The following SRGAP3 variants were observed in gnomAD, a reference collection of about 807,000 sequenced individuals.
The protein encoded by SRGAP3 is SLIT-ROBO Rho GTPase activating protein 3.
A neutral mutation model predicts 121.1 loss-of-function variants in SRGAP3; 39 were observed. The observed-to-expected ratio is 0.32, with a 90% confidence interval of 0.25 to 0.42. SRGAP3 has a LOEUF of 0.42. Among genes scored for constraint, SRGAP3 ranks in the 10% least tolerant of loss-of-function variants. The probability of loss-of-function intolerance (pLI) is 1.00; values close to 1 mark genes in which losing one functional copy is unlikely to be tolerated. For synonymous variants in SRGAP3, 601 were observed against 570.0 expected, an observed-to-expected ratio of 1.05 and a Z score of -0.77; for missense variants, 1,213 against 1,470.6, an observed-to-expected ratio of 0.82 and a Z score of 2.86.
intron 1 of SRGAP3, among the ~76,000 whole-genome samples, chr3:9,197,128 G>T (rs943912026): frequency 2.6e-5 from 4 of 152,202 alleles, no homozygotes; most frequent in African/African-American, 9.6e-5. Flanking sequence ...GATTCGTATA[G>T]ATGACAGGGT....
At chr3:9,028,257 A>T in intron 12 of SRGAP3, 1 of 1,318,636 alleles carries the variant, frequency 7.6e-7, no homozygotes, top group Non-Finnish European at 1.1e-6. Flanking sequence ...CAGCCAGCCA[A>T]GGTCCTGGGG....
At chr3:9,167,527 C>T (rs1950832025) in intron 1 of SRGAP3, among the ~76,000 whole-genome samples, 1 of 152,212 alleles carries the variant, frequency 6.6e-6, no homozygotes, top group Non-Finnish European at 1.5e-5. Flanking sequence ...GACCTTGCTC[C>T]TAAATTCTGG....
chr3:8,985,668 G>A lies in SRGAP3; in HGVS notation c.3151C>T (p.Gln1051Ter). 1 of 1,596,764 alleles carries A rather than the reference G, an allele frequency of 6.3e-7. No homozygotes were observed. The highest frequency in any genetic ancestry group is 8.5e-7 in the Non-Finnish European group (1 of 1,178,662). Residue 1051 changes from glutamine (Q) to a stop codon, truncating the protein, a stop_gained, in exon 22 of 22, where the codon CAG becomes TAG. Coordinates refer to ENST00000383836, the MANE Select transcript of SRGAP3 (RefSeq NM_014850.4). LOFTEE classifies it high-confidence loss of function. The surrounding 1 kb of genome is among the most constrained non-coding windows in gnomAD (Gnocchi z 5.1). ...GGCCGCATGGGGGGCGGGCGGAGCT[G>A]GGCGCCAGCCAGGCGGGCGGACAGG... The part of the protein sequence containing the change: ...PALSARLAGA[Q>*]LRPPPMRPVR...
intron 3 of SRGAP3, chr3:9,325,884 G>C (rs1955509483): frequency 6.6e-6 from 1 of 151,846 alleles, no homozygotes. Flanking sequence ...GGCATAAACA[G>C]AGAAAAAATA....
intron 3 of SRGAP3, among the ~76,000 whole-genome samples, chr3:9,097,938 CT>C (rs58053060): frequency 6.6e-6 from 1 of 152,234 alleles, no homozygotes; most frequent in East Asian, 1.9e-4. Context: ...ACTTTCCTCC[CT>C]TTTTTTCTGC....
chr3:9,099,026 A>C (rs414120), intron 3 of SRGAP3, among the ~76,000 whole-genome samples: 54,801 of 151,658 alleles, frequency 0.36, 10,674 homozygotes, highest in Non-Finnish European at 0.45. Context: ...GCATGCAAAC[A>C]CTCACTCCAC....
intron 1 of SRGAP3, among the ~76,000 whole-genome samples, chr3:9,215,891 C>T (rs904288393): frequency 3.3e-5 from 5 of 152,206 alleles, no homozygotes; most frequent in African/African-American, 4.8e-5. Context: ...CACTGGCCAA[C>T]GCTCCTGGAT....
chr3:9,101,202 G>T (rs919003445), intron 3 of SRGAP3, among the ~76,000 whole-genome samples: 3 of 152,234 alleles, frequency 2.0e-5, no homozygotes, highest in Non-Finnish European at 4.4e-5. Flanking sequence ...GAGGCGTACA[G>T]CTGCTGTAGA....
At chr3:9,032,567 T>C in intron 12 of SRGAP3, 83 bp downstream of exon 12, 1 of 1,285,816 alleles carries the variant, frequency 7.8e-7, no homozygotes. Flanking sequence ...AGGACAGGGC[T>C]GTCTGCTGGC....
intron 1 of SRGAP3, among the ~76,000 whole-genome samples, chr3:9,220,398 G>A (rs1952774493): frequency 6.6e-6 from 1 of 152,122 alleles, no homozygotes; most frequent in South Asian, 2.1e-4. Context: ...CTCACCTCCA[G>A]GAGAGGCTGC....
intron 1 of SRGAP3, among the ~76,000 whole-genome samples, chr3:9,209,064 A>G (rs1004547088): frequency 1.3e-5 from 2 of 152,202 alleles, no homozygotes; most frequent in African/African-American, 4.8e-5. Flanking sequence ...CTAATCATCC[A>G]GATGTTTGGT....
intron 3 of SRGAP3, among the ~76,000 whole-genome samples, chr3:9,313,375 C>T (rs78592982): frequency 2.6e-5 from 4 of 152,272 alleles, no homozygotes; most frequent in East Asian, 1.9e-4. Context: ...TTCCCCTTCA[C>T]ATTTATCTAC....
chr3:9,007,067 T>C (rs1943119133), intron 18 of SRGAP3: 1 of 149,274 alleles, frequency 6.7e-6, no homozygotes, highest in Admixed American at 6.8e-5. Context: ...GCTTAAGTAA[T>C]TCTCCCACTT....
chr3:9,065,768 T>C (rs1041202127), intron 4 of SRGAP3, among the ~76,000 whole-genome samples: 3 of 152,248 alleles, frequency 2.0e-5, no homozygotes, highest in Non-Finnish European at 4.4e-5. Context: ...TTATAGTTTT[T>C]AGCTATTTTT....
intron 1 of SRGAP3, among the ~76,000 whole-genome samples, chr3:9,208,076 G>A (rs183025730): frequency 1.2e-3 from 185 of 152,006 alleles, no homozygotes; most frequent in Non-Finnish European, 2.2e-3. Flanking sequence ...TGAGTGCAGG[G>A]CCCGCAAATG....
intron 10 of SRGAP3, among the ~76,000 whole-genome samples, chr3:9,041,193 A>C (rs1944996682): frequency 6.6e-6 from 1 of 152,222 alleles, no homozygotes; most frequent in Non-Finnish European, 1.5e-5. Flanking sequence ...TGACTTTCCC[A>C]AGTCCCTGCT....
chr3:9,253,038 G>A (rs958560659), upstream of SRGAP3, among the ~76,000 whole-genome samples: 2 of 152,122 alleles, frequency 1.3e-5, no homozygotes, highest in Non-Finnish European at 2.9e-5. Flanking sequence ...ACAAGCACAG[G>A]GCCAAGCACT....
intron 1 of SRGAP3, among the ~76,000 whole-genome samples, chr3:9,238,154 G>C (rs776457674): frequency 1.2e-4 from 19 of 152,220 alleles, no homozygotes; most frequent in Admixed American, 2.6e-4. Context: ...GAGAAGCTCT[G>C]AGTCAGGAGA....
chr3:9,216,076 G>A (rs1343649514), intron 1 of SRGAP3, among the ~76,000 whole-genome samples: 1 of 142,148 alleles, frequency 7.0e-6, no homozygotes, highest in Non-Finnish European at 1.5e-5. Flanking sequence ...ATACTCTCCA[G>A]CTGGTTCTAT....
Sources: allele counts gnomAD v4.1 joint callset (sites outside exome capture counted in the v4.1 genomes callset), GRCh38; gene constraint gnomAD v4.1.1; non-coding constraint Gnocchi (gnomAD v3.1); transcripts MANE v1.5; gene names NCBI Gene and HGNC (gene_info 2026-07-23, HGNC 2026-07-21).